Variants in ERC1 observed in about 807,000 individuals in gnomAD.
The protein encoded by ERC1 is RAB6 interacting protein 2.
In ERC1, 56 loss-of-function variants were observed where a neutral mutation model predicts 132.0. The ratio of observed to expected loss-of-function variants is 0.42; its 90% CI spans 0.34 to 0.53. The LOEUF (loss-of-function observed/expected upper bound fraction) is 0.53, where lower values mean the gene tolerates loss of function less well. Ranked by LOEUF, ERC1 falls within the 20% of genes least tolerant of loss-of-function variation. The pLI is 0.03. For missense variants in ERC1, 1,202 were observed against 1,349.9 expected (o/e 0.89, Z 1.72); for synonymous variants, 478 against 476.1 (o/e 1.00, Z -0.05).
chr12:1,489,014 G>A (rs1238468385), intron 18 of ERC1, among the ~76,000 whole-genome samples: 1 of 152,222 alleles, frequency 6.6e-6, no homozygotes, highest in Non-Finnish European at 1.5e-5. Flanking sequence ...AAACTGCGTG[G>A]ACTCCTTTTT....
chr12:1,455,718 T>C (rs2093518382), intron 18 of ERC1, among the ~76,000 whole-genome samples: 1 of 152,224 alleles, frequency 6.6e-6, no homozygotes, highest in African/African-American at 2.4e-5. Flanking sequence ...GAGAACGTTT[T>C]TGACAAGTCG....
At chr12:1,204,384 C>G (rs986184030) in intron 12 of ERC1, 8 of 776,460 alleles carry the variant, frequency 1.0e-5, no homozygotes, top group Non-Finnish European at 1.4e-5. Context: ...TGACTCCTTC[C>G]CTTCTCTAAT....
At chr12:1,150,523 A>G (rs948664476) in intron 8 of ERC1, among the ~76,000 whole-genome samples, 17 of 152,190 alleles carry the variant, frequency 1.1e-4, no homozygotes, top group Non-Finnish European at 4.4e-5. Context: ...TTTTTGAATC[A>G]TGATATTTCA....
chr12:1,464,580 A>G (rs989230398), intron 18 of ERC1, among the ~76,000 whole-genome samples: 2 of 119,000 alleles, frequency 1.7e-5, no homozygotes, highest in Non-Finnish European at 3.2e-5. Flanking sequence ...AGTTCAGTGG[A>G]GCGATCTCAG....
At chr12:995,112 A>G (rs1055983670) in intron 1 of ERC1, among the ~76,000 whole-genome samples, 20 of 151,524 alleles carry the variant, frequency 1.3e-4, no homozygotes, top group Non-Finnish European at 2.7e-4. Context: ...AAAAAAAAAA[A>G]TTAGCATGGC....
chr12:1,321,410 G>A (rs2082110648), intron 15 of ERC1, among the ~76,000 whole-genome samples: 5 of 152,096 alleles, frequency 3.3e-5, no homozygotes, highest in Admixed American at 3.3e-4. Context: ...ATTGCCTGTT[G>A]TATTCATACA....
At chr12:1,379,671 G>T (rs1464084328) in intron 16 of ERC1, among the ~76,000 whole-genome samples, 2 of 152,184 alleles carry the variant, frequency 1.3e-5, no homozygotes, top group African/African-American at 4.8e-5. Flanking sequence ...CAGCTTAGCA[G>T]GTGGTTCTGA....
At chr12:1,332,186 C>G (rs1467539273) in intron 15 of ERC1, among the ~76,000 whole-genome samples, 1 of 152,100 alleles carries the variant, frequency 6.6e-6, no homozygotes, top group Non-Finnish European at 1.5e-5. Context: ...ATATCCTTGA[C>G]TTTATCTTAC....
chr12:1,010,342 G>A (rs147149012), intron 1 of ERC1, among the ~76,000 whole-genome samples: 4,260 of 151,682 alleles, frequency 0.028, 83 homozygotes, highest in South Asian at 0.091. Context: ...TTAGCTGGGC[G>A]TGGTGGCGGG....
chr12:1,363,543 C>CTTTTTTT (rs34769986), intron 15 of ERC1, among the ~76,000 whole-genome samples: 15 of 94,344 alleles, frequency 1.6e-4, no homozygotes, highest in Admixed American at 2.5e-4. Context: ...TATTTCTTTC[C>CTTTTTTT]TTTTTTTTTT....
intron 15 of ERC1, among the ~76,000 whole-genome samples, chr12:1,345,047 A>C (rs1391165637): frequency 6.6e-6 from 1 of 152,228 alleles, no homozygotes; most frequent in Non-Finnish European, 1.5e-5. Context: ...CATTATTTGT[A>C]GTAGGTAAGC....
At chr12:1,185,992 G>T (rs548718374) in intron 11 of ERC1, among the ~76,000 whole-genome samples, 1 of 152,272 alleles carries the variant, frequency 6.6e-6, no homozygotes, top group East Asian at 1.9e-4. Context: ...TTTTGTAAAG[G>T]CCATGCTTAG....
rs2093116262 is a variant in ERC1, at chr12:1,440,603, TGTGTGTGTGTGTGTG to T, written c.3025-3958_3025-3944del. Among the ~76,000 whole-genome samples the T allele has an allele frequency of 9.3e-4, 14 of 15,088 alleles. 2 individuals carry two copies. Among genetic ancestry groups the T allele is most frequent in the African/African-American group, 2.0e-3 (13 of 6,610 alleles). The allele number at this position is 15,088 out of a possible 152,430, so 9.9% of individuals were successfully genotyped here. On this transcript the variant is annotated intron_variant, in intron 17 of 18. Coordinates refer to ENST00000360905, the MANE Select transcript of ERC1 (RefSeq NM_178040.4). ...GCAATCCCCCTGCCTCAGCCTTTTG[TGTGTGTGTGTGTGTG>T]TGTGTGTGTGTGTGTGTGTGTGTGT...
intron 13 of ERC1, among the ~76,000 whole-genome samples, chr12:1,251,438 C>A (rs1002691566): frequency 6.6e-6 from 1 of 151,844 alleles, no homozygotes; most frequent in African/African-American, 2.4e-5. Context: ...AGAATATTGT[C>A]GTAGGTGAGT....
chr12:1,013,403 A>G (rs1965011433), intron 1 of ERC1, among the ~76,000 whole-genome samples: 1 of 152,158 alleles, frequency 6.6e-6, no homozygotes, highest in African/African-American at 2.4e-5. Context: ...TAAAAACTGC[A>G]GTTAACTTGA....
intron 16 of ERC1, among the ~76,000 whole-genome samples, chr12:1,399,121 T>C (rs1357617253): frequency 6.6e-6 from 1 of 151,516 alleles, no homozygotes; most frequent in African/African-American, 2.4e-5. Flanking sequence ...AGCAATTTTT[T>C]TTTATTTTTT....
chr12:1,196,335 G>A (rs1401542013), intron 12 of ERC1, among the ~76,000 whole-genome samples: 2 of 152,010 alleles, frequency 1.3e-5, no homozygotes, highest in African/African-American at 4.8e-5. Context: ...TTTTGCCTCC[G>A]ACTAGGCAGC....
intron 13 of ERC1, among the ~76,000 whole-genome samples, chr12:1,240,677 A>G (rs2075732668): frequency 6.6e-6 from 1 of 152,036 alleles, no homozygotes; most frequent in Non-Finnish European, 1.5e-5. Context: ...CTGTTTTTAA[A>G]CTGAAGGTCA....
At chr12:1,028,708 G>A (rs1171662423) in intron 2 of ERC1, 136 bp downstream of exon 2, 1 of 780,326 alleles carries the variant, frequency 1.3e-6, no homozygotes, top group East Asian at 2.7e-5. Flanking sequence ...ACTGTTTTGT[G>A]TCCTCCATTT....
Sources: gnomAD v4.1 joint callset for allele counts (sites outside exome capture counted in the v4.1 genomes callset) on GRCh38, gnomAD v4.1.1 for gene constraint, MANE v1.5 for transcripts, NCBI Gene and HGNC (gene_info 2026-07-23, HGNC 2026-07-21) for gene names.